The following SYT9 variants were observed in gnomAD, a reference collection of about 807,000 sequenced individuals.
SYT9 encodes the protein synaptotagmin-9.
In SYT9, 22 loss-of-function variants were observed where a neutral mutation model predicts 48.4. The ratio of observed to expected loss-of-function variants is 0.45; its 90% CI spans 0.32 to 0.65. The LOEUF (loss-of-function observed/expected upper bound fraction) is 0.65, where lower values mean the gene tolerates loss of function less well. Ranked by LOEUF, SYT9 falls within the 30% of genes least tolerant of loss-of-function variation. SYT9 has a pLI of 0.03. For synonymous variants in SYT9, 265 were observed against 245.0 expected (o/e 1.08, Z -0.76); for missense variants, 577 against 622.0 (o/e 0.93, Z 0.77).
intron 2 of SYT9, among the ~76,000 whole-genome samples, chr11:7,308,350 A>G (rs1213813993): frequency 1.3e-5 from 2 of 152,192 alleles, no homozygotes; most frequent in African/African-American, 4.8e-5. Context: ...GGGCCACTGC[A>G]GTGAAGGAAC....
chr11:7,379,224 T>C (rs573699710), intron 3 of SYT9, among the ~76,000 whole-genome samples: 4 of 152,132 alleles, frequency 2.6e-5, no homozygotes, highest in Non-Finnish European at 5.9e-5. Flanking sequence ...CCTGGGGAAA[T>C]AGGCAGAGTT....
In SYT9 at chr11:7,467,975, C is replaced by T. The variant is rs147765986; in HGVS notation, c.*1175C>T. 1.1e-3 allele frequency: 310 copies of T among 292,150 alleles called. No individual in the cohort carries two copies. Among genetic ancestry groups the T allele is most frequent in the Middle Eastern group, 3.7e-3 (4 of 1,070 alleles). The allele number at this position is 292,150 out of a possible 1,614,324, so 18.1% of individuals were successfully genotyped here. Reference sequence around the variant, plus strand: ...GTCTGCCAACCAATGGCCAGCTATGCGCCTCATCCTCATTGCTTCTGCCTC... The same window carrying T: ...GTCTGCCAACCAATGGCCAGCTATGTGCCTCATCCTCATTGCTTCTGCCTC... On this transcript the variant is annotated 3_prime_UTR_variant, in exon 7 of 7. Transcript: ENST00000318881.
At chr11:7,372,861 T>TTCCAGAGCAGGTAAAACAGGGAGCCTTAG (rs1202299902) in intron 3 of SYT9, among the ~76,000 whole-genome samples, 3 of 152,148 alleles carry the variant, frequency 2.0e-5, no homozygotes, top group Non-Finnish European at 4.4e-5. Context: ...CCCAAACTGT[T>TTCCAGAGCAGGTAAAACAGGGAGCCTTAG]GAGTAATTGT....
At chr11:7,348,422 G>T (rs1849842733) in intron 3 of SYT9, among the ~76,000 whole-genome samples, 1 of 152,112 alleles carries the variant, frequency 6.6e-6, no homozygotes, top group Admixed American at 6.5e-5. Flanking sequence ...CCTTTACTGG[G>T]CATATAGTGC....
At chr11:7,296,493 TCTC>T in intron 1 of SYT9, among the ~76,000 whole-genome samples, 1 of 152,332 alleles carries the variant, frequency 6.6e-6, no homozygotes, top group Admixed American at 6.5e-5. Flanking sequence ...GGATCTAAGT[TCTC>T]CTTCACTGGA....
At chr11:7,431,642 T>C (rs1000775616) in intron 6 of SYT9, among the ~76,000 whole-genome samples, 1 of 152,202 alleles carries the variant, frequency 6.6e-6, no homozygotes, top group African/African-American at 2.4e-5. Flanking sequence ...ATGAATGGTT[T>C]TGTGGGCCAG....
chr11:7,324,451 G>C (rs181610757), intron 3 of SYT9, among the ~76,000 whole-genome samples: 1 of 151,426 alleles, frequency 6.6e-6, no homozygotes, highest in Non-Finnish European at 1.5e-5. Context: ...CTATTCAGTT[G>C]ATATTTTTAA....
chr11:7,252,483 T>A lies in SYT9; in HGVS notation c.145+152T>A. The stretch of plus-strand genomic sequence containing the variant: ...AGAGTGATCAAGAACCAGCGCACTG[T>A]GGCCTGATGCTGTAACCAGGCGGGG... On this transcript the variant is annotated intron_variant, in intron 1 of 6. Coordinates refer to ENST00000318881, the MANE Select transcript of SYT9 (RefSeq NM_175733.4). The surrounding 1 kb of genome is among the most constrained non-coding windows in gnomAD (Gnocchi z 6.3). 1.1e-6 allele frequency: 1 copy of A among 873,978 alleles called. No individual in the cohort carries two copies. The highest frequency in any genetic ancestry group is 1.6e-6 in the Non-Finnish European group (1 of 643,720). 54.1% of individuals were successfully genotyped at this position (873,978 alleles called of 1,614,324 possible).
At chr11:7,305,456 A>C (rs564189897) in intron 2 of SYT9, among the ~76,000 whole-genome samples, 42 of 152,228 alleles carry the variant, frequency 2.8e-4, no homozygotes, top group Non-Finnish European at 5.4e-4. Context: ...AGAGCAGTAC[A>C]TGGTCTTCTA....
In SYT9 at chr11:7,381,881, A is replaced by T. The variant is rs865878452; in HGVS notation, c.1045-34161A>T. ...ATACAAGCAGCTTCCTACGTGGTGG[A>T]TATGAGATAGGAGCCTTCCAGCCAC... On this transcript the variant is annotated intron_variant, in intron 3 of 6. Coordinates refer to ENST00000318881, the MANE Select transcript of SYT9 (RefSeq NM_175733.4). Among the ~76,000 whole-genome samples the T allele has an allele frequency of 2.6e-5, 4 of 152,296 alleles. No individual in the cohort carries two copies. In the South Asian group the frequency reaches 6.2e-4, roughly 24 times the overall value.
intron 1 of SYT9, among the ~76,000 whole-genome samples, chr11:7,282,384 T>G (rs575768858): frequency 6.6e-6 from 1 of 152,308 alleles, no homozygotes; most frequent in Admixed American, 6.5e-5. Flanking sequence ...CCTAAGGGGA[T>G]GTGCAACTGA....
chr11:7,388,327 G>A (rs1283034958), intron 3 of SYT9, among the ~76,000 whole-genome samples: 1 of 152,148 alleles, frequency 6.6e-6, no homozygotes, highest in East Asian at 1.9e-4. Flanking sequence ...CCTTTAGGAT[G>A]TGAAGTGGTG....
At position 7,468,572 on chromosome 11, in the gene SYT9, A is replaced by G; in HGVS notation, c.*1772A>G. ...CAAAACATGAAGGGCTAGCGCCACC[A>G]GGATAGTTAGCAGAAATATTGTCTG... On this transcript the variant is annotated 3_prime_UTR_variant, in exon 7 of 7. Coordinates refer to ENST00000318881, the MANE Select transcript of SYT9 (RefSeq NM_175733.4). The G allele has an allele frequency of 2.7e-6, 1 of 366,842 alleles. No homozygotes were observed. The highest frequency in any genetic ancestry group is 4.8e-6 in the Non-Finnish European group (1 of 206,618). The allele number at this position is 366,842 out of a possible 1,614,324, so 22.7% of individuals were successfully genotyped here. A position where few individuals can be genotyped will look rare whatever the true frequency, so the allele number is the denominator to read the frequency against.
chr11:7,281,207 G>A (rs1848486755), intron 1 of SYT9, among the ~76,000 whole-genome samples: 1 of 152,210 alleles, frequency 6.6e-6, no homozygotes, highest in East Asian at 1.9e-4. Flanking sequence ...GAGCATAACA[G>A]TATCATGTCT....
At chr11:7,404,016 T>C (rs1374994444) in intron 3 of SYT9, among the ~76,000 whole-genome samples, 2 of 152,202 alleles carry the variant, frequency 1.3e-5, no homozygotes, top group African/African-American at 4.8e-5. Context: ...TATCATAATG[T>C]AATAGCTCTA....
At chr11:7,407,156 T>C (rs1847031547) in intron 3 of SYT9, among the ~76,000 whole-genome samples, 1 of 152,194 alleles carries the variant, frequency 6.6e-6, no homozygotes, top group African/African-American at 2.4e-5. Context: ...CATTTTCTCC[T>C]CACTCTGTTG....
At chr11:7,281,397 T>G (rs1444569380) in intron 1 of SYT9, among the ~76,000 whole-genome samples, 9 of 152,226 alleles carry the variant, frequency 5.9e-5, no homozygotes, top group African/African-American at 1.9e-4. Context: ...CCCTCTCATG[T>G]TGCATCCTAC....
At chr11:7,454,551 T>C (rs12279351) in intron 6 of SYT9, among the ~76,000 whole-genome samples, 46,835 of 152,148 alleles carry the variant, frequency 0.31, 7,975 homozygotes, top group African/African-American at 0.44. Context: ...TGCGAGTAAC[T>C]GAAATTAAAA....
intron 3 of SYT9, among the ~76,000 whole-genome samples, chr11:7,414,661 G>T (rs1200243506): frequency 6.6e-6 from 1 of 152,164 alleles, no homozygotes; most frequent in Non-Finnish European, 1.5e-5. Context: ...GCAAGGAGAG[G>T]TCATTTATTT....
Sources: gnomAD v4.1 joint callset for allele counts (sites outside exome capture counted in the v4.1 genomes callset) on GRCh38, gnomAD v4.1.1 for gene constraint, Gnocchi (gnomAD v3.1) non-coding constraint, MANE v1.5 for transcripts, NCBI Gene and HGNC (gene_info 2026-07-23, HGNC 2026-07-21) for gene names.